ARHGAP28: variants seen among roughly 807,000 people sequenced by gnomAD.
The protein encoded by ARHGAP28 is rho GTPase-activating protein 28.
In ARHGAP28, 56 loss-of-function variants were observed where a neutral mutation model predicts 90.7. That is an observed-to-expected ratio of 0.62 (90% CI 0.50 to 0.77). The LOEUF (loss-of-function observed/expected upper bound fraction) is 0.77, where lower values mean the gene tolerates loss of function less well. ARHGAP28 is among the 30% of genes least tolerant of loss of function. The pLI, the probability that ARHGAP28 is intolerant of heterozygous loss-of-function variation, is 0.00. For synonymous variants in ARHGAP28, 308 were observed against 323.3 expected, an observed-to-expected ratio of 0.95 and a Z score of 0.51; for missense variants, 869 against 900.9, an observed-to-expected ratio of 0.96 and a Z score of 0.45.
rs760906671 is a variant in ARHGAP28, at chr18:6,792,259, C to T, written c.123-32503C>T. Among the ~76,000 whole-genome samples the T allele has an allele frequency of 4.6e-5, 7 of 152,248 alleles. No homozygotes were observed. The East Asian group carries it at 5.8e-4, about 13-fold the overall frequency. Reference sequence around the variant, plus strand: ...TGATGGTTTCATGTGTGAATACAAACGTCAAAACTCATCAGGTCGTACATT... The same window carrying T: ...TGATGGTTTCATGTGTGAATACAAATGTCAAAACTCATCAGGTCGTACATT... On this transcript the variant is annotated intron_variant, in intron 1 of 17. Transcript: ENST00000383472.
At chr18:6,873,274 C>T in intron 7 of ARHGAP28, 135 bp from the exon 8 acceptor site, 1 of 707,388 alleles carries the variant, frequency 1.4e-6, no homozygotes, top group Non-Finnish European at 2.3e-6. Flanking sequence ...TTCTAGGATG[C>T]AGCATGCTCC....
At chr18:6,839,292 A>C in intron 3 of ARHGAP28, among the ~76,000 whole-genome samples, 1 of 133,962 alleles carries the variant, frequency 7.5e-6, no homozygotes. Flanking sequence ...AACCAGCATA[A>C]TTTTTTTTTT....
chr18:6,884,888 C>T (rs2057208347), intron 11 of ARHGAP28, among the ~76,000 whole-genome samples: 1 of 152,172 alleles, frequency 6.6e-6, no homozygotes, highest in Non-Finnish European at 1.5e-5. Context: ...TATTAATTTT[C>T]ATCCTCCAAA....
chr18:6,887,012 A>G (rs2057227144), intron 11 of ARHGAP28, 145 bp from the exon 12 acceptor site: 4 of 689,548 alleles, frequency 5.8e-6, no homozygotes, highest in Non-Finnish European at 7.7e-6. Context: ...CAAGTGAACA[A>G]ATTTACATTG....
At chr18:6,742,169 C>CTTTT (rs554288921) in intron 1 of ARHGAP28, among the ~76,000 whole-genome samples, 1 of 138,748 alleles carries the variant, frequency 7.2e-6, no homozygotes, top group Non-Finnish European at 1.5e-5. Flanking sequence ...TTTTCTTTTT[C>CTTTT]TTTTTTTTTT....
At chr18:6,831,384 A>C (rs2056713562) in intron 2 of ARHGAP28, among the ~76,000 whole-genome samples, 1 of 151,084 alleles carries the variant, frequency 6.6e-6, no homozygotes, top group Non-Finnish European at 1.5e-5. Context: ...TCATATTCTT[A>C]ATGAGATCTT....
At chr18:6,846,811 G>C (rs1023035436) in intron 3 of ARHGAP28, among the ~76,000 whole-genome samples, 1 of 152,124 alleles carries the variant, frequency 6.6e-6, no homozygotes, top group African/African-American at 2.4e-5. Context: ...TCTTTACCCC[G>C]TTGGTGAGGG....
intron 1 of ARHGAP28, among the ~76,000 whole-genome samples, chr18:6,731,668 C>T (rs1241048991): frequency 1.3e-5 from 2 of 152,116 alleles, no homozygotes; most frequent in Admixed American, 1.3e-4. Flanking sequence ...CCCCCTGGCC[C>T]CCTGCAACCC....
chr18:6,824,844 T>A lies in ARHGAP28; in HGVS notation c.205T>A (p.Ser69Thr), dbSNP rs1267874065. The stretch of plus-strand genomic sequence containing the variant: ...TCCTCCTGCCTTCAGCCGTTCCAAC[T>A]CAGAAGCCTCCGTAGACAGCGCCTC... ...LHPPAFSRSN[S>T]EASVDSASME... The change falls in exon 2 of 18, where the codon TCA (serine) becomes ACA (threonine). Residue 69 changes from serine to threonine, a missense_variant. Physicochemically the swap from Ser to Thr is moderately conservative, Grantham distance 58. Transcript: ENST00000383472. The A allele has an allele frequency of 1.3e-6, 2 of 1,536,466 alleles. No homozygotes were observed. Among genetic ancestry groups the A allele is most frequent in the African/African-American group, 1.4e-5 (1 of 73,142 alleles).
At chr18:6,898,568 C>T (rs752371075) in intron 16 of ARHGAP28, 3 of 1,612,238 alleles carry the variant, frequency 1.9e-6, no homozygotes, top group South Asian at 1.1e-5. Flanking sequence ...TGGACATCTC[C>T]ACATAGGCAG....
intron 1 of ARHGAP28, chr18:6,791,058 A>C (rs2056402897): frequency 6.6e-6 from 1 of 152,228 alleles, no homozygotes. Flanking sequence ...CTAGAGGGAC[A>C]GAACTAATAG....
intron 1 of ARHGAP28, among the ~76,000 whole-genome samples, chr18:6,761,019 A>G (rs1030354285): frequency 1.3e-5 from 2 of 152,208 alleles, no homozygotes; most frequent in Non-Finnish European, 2.9e-5. Flanking sequence ...TTATTTTTCC[A>G]AGTTAAATTC....
At chr18:6,796,283 A>G (rs747375534) in intron 1 of ARHGAP28, among the ~76,000 whole-genome samples, 32 of 151,964 alleles carry the variant, frequency 2.1e-4, no homozygotes, top group Non-Finnish European at 4.1e-4. Context: ...ACATGCATAC[A>G]TTTTTTTCAG....
intron 2 of ARHGAP28, among the ~76,000 whole-genome samples, chr18:6,828,087 G>A (rs562522862): frequency 2.6e-5 from 4 of 152,280 alleles, no homozygotes; most frequent in South Asian, 4.1e-4. Flanking sequence ...ACGAGACTCC[G>A]TCTGCAATCC....
intron 12 of ARHGAP28, among the ~76,000 whole-genome samples, chr18:6,889,475 A>C (rs908013026): frequency 6.6e-6 from 1 of 152,350 alleles, no homozygotes; most frequent in African/African-American, 2.4e-5. Flanking sequence ...AGTTTTCAAC[A>C]GCAATGCTTT....
chr18:6,859,845 A>G lies in ARHGAP28; in HGVS notation c.674A>G (p.Asp225Gly). 6.2e-7 allele frequency: 1 copy of G among 1,614,232 alleles called. No individual in the cohort carries two copies. Among genetic ancestry groups the G allele is most frequent in the Non-Finnish European group, 8.5e-7 (1 of 1,180,030 alleles). ...TCTCTCAACAGTACTACCCTGTCTG[A>G]CGCATCCCAGGATAAAGAAGGGAGT... ...DASLNSTTLS[D>G]ASQDKEGSFA... Residue 225 changes from aspartate to glycine, a missense_variant, in exon 5 of 18, where the codon GAC becomes GGC. Transcript: ENST00000383472.
intron 13 of ARHGAP28, 91 bp from the exon 14 acceptor site, chr18:6,890,339 A>T: frequency 2.4e-6 from 2 of 835,136 alleles, no homozygotes; most frequent in Non-Finnish European, 3.8e-6. Context: ...ATACCGAGTG[A>T]CTGGGAGGAG....
intron 1 of ARHGAP28, among the ~76,000 whole-genome samples, chr18:6,815,657 C>A (rs2056585325): frequency 6.6e-6 from 1 of 152,074 alleles, no homozygotes; most frequent in Non-Finnish European, 1.5e-5. Flanking sequence ...GATTATATTT[C>A]AGTTTGTCAT....
chr18:6,761,755 G>C (rs2056161865), intron 1 of ARHGAP28, among the ~76,000 whole-genome samples: 1 of 152,188 alleles, frequency 6.6e-6, no homozygotes, highest in African/African-American at 2.4e-5. Context: ...TTTTCAACTT[G>C]GGCTCTGCAA....
Sources: gnomAD v4.1 joint callset for allele counts (sites outside exome capture counted in the v4.1 genomes callset) on GRCh38, gnomAD v4.1.1 for gene constraint, MANE v1.5 for transcripts, NCBI Gene and HGNC (gene_info 2026-07-23, HGNC 2026-07-21) for gene names.